Variants in SPAG7 observed in about 807,000 individuals in gnomAD.
SPAG7 encodes sperm-associated antigen 7.
In SPAG7, 20 loss-of-function variants were observed where a neutral mutation model predicts 30.6. The ratio of observed to expected loss-of-function variants is 0.65; its 90% CI spans 0.46 to 0.95. SPAG7 has a LOEUF of 0.95. SPAG7 is among the 40% of genes least tolerant of loss of function. The pLI, the probability that SPAG7 is intolerant of heterozygous loss-of-function variation, is 0.00. For missense variants in SPAG7, 276 were observed against 291.1 expected, an observed-to-expected ratio of 0.95 and a Z score of 0.38; for synonymous variants, 127 against 104.2, an observed-to-expected ratio of 1.22 and a Z score of -1.33.
chr17:4,967,372 G>T (rs1229277579), intron 1 of SPAG7, among the ~76,000 whole-genome samples: 8 of 152,182 alleles, frequency 5.3e-5, no homozygotes, highest in Admixed American at 5.2e-4. Context: ...AAATCCAATC[G>T]AAATAGAGCT....
At chr17:4,960,730 T>C in intron 2 of SPAG7, 56 bp downstream of exon 2, 3 of 1,547,526 alleles carry the variant, frequency 1.9e-6, no homozygotes, top group Non-Finnish European at 2.7e-6. Flanking sequence ...CCTTCCAATT[T>C]TAACTTATTG....
At chr17:4,963,165 G>T (rs140069007) in intron 1 of SPAG7, among the ~76,000 whole-genome samples, 6 of 152,164 alleles carry the variant, frequency 3.9e-5, no homozygotes, top group African/African-American at 1.4e-4. Flanking sequence ...GGCCAAGGTG[G>T]GAGGACTGCT....
chr17:4,967,572 G>T, intron 1 of SPAG7, 148 bp downstream of exon 1: 1 of 679,802 alleles, frequency 1.5e-6, no homozygotes, highest in Non-Finnish European at 2.6e-6. Flanking sequence ...CAGCGGGCGT[G>T]TCAGCAGCCC....
chr17:4,960,201 G>A, intron 4 of SPAG7, 33 bp downstream of exon 4: 2 of 1,606,156 alleles, frequency 1.2e-6, no homozygotes, highest in South Asian at 1.1e-5. Context: ...CTACAAAGGG[G>A]AGAGGAGAGA....
chr17:4,967,067 G>A, intron 1 of SPAG7: 4 of 985,768 alleles, frequency 4.1e-6, no homozygotes, highest in Non-Finnish European at 4.8e-6. Context: ...CGAGAACGCA[G>A]GCGGAGACAG....
At position 4,960,523 on chromosome 17, in the gene SPAG7, T is replaced by C. The variant is rs756834296; in HGVS notation, c.178A>G (p.Ile60Val). The change falls in exon 3 of 7, where the codon ATT becomes GTT. Residue 60 changes from isoleucine to valine, a missense_variant. Coordinates refer to ENST00000206020, the MANE Select transcript of SPAG7 (RefSeq NM_004890.3). Reference sequence around the variant, plus strand: ...TTCTTGATCTGCCCACTGTCTTGAATGAAATCTGACACCTCCTTCTCCATC... The same window carrying C: ...TTCTTGATCTGCCCACTGTCTTGAACGAAATCTGACACCTCCTTCTCCATC... ...KRMEKEVSDF[I>V]QDSGQIKKKF... is the part of the protein sequence containing the mutation. 1 of 1,603,884 alleles carries C rather than the reference T, an allele frequency of 6.2e-7. No homozygotes were observed. The highest frequency in any genetic ancestry group is 8.5e-7 in the Non-Finnish European group (1 of 1,177,180).
Position 4,960,751 on chromosome 17 carries a change from C to T in SPAG7, c.153+35G>A, listed in dbSNP as rs368242158. The T allele has an allele frequency of 2.5e-6, 4 of 1,595,512 alleles. No individual in the cohort carries two copies. The African/African-American group carries it at 4.0e-5, about 16-fold the overall frequency. On this transcript the variant is annotated intron_variant, in intron 2 of 6. Coordinates refer to ENST00000206020, the MANE Select transcript of SPAG7 (RefSeq NM_004890.3). Reference sequence around the variant, plus strand: ...AATTTTAACTTATTGGAAGTCCTTCCTGAGTCTGCCTTTGATCACTCCAGT... The same window carrying T: ...AATTTTAACTTATTGGAAGTCCTTCTTGAGTCTGCCTTTGATCACTCCAGT...
chr17:4,966,491 G>A (rs544200989), intron 1 of SPAG7: 426 of 727,418 alleles, frequency 5.9e-4, no homozygotes, highest in Non-Finnish European at 6.8e-4. Flanking sequence ...AGTCATCGGA[G>A]CATTAGAGAA....
intron 3 of SPAG7, 47 bp downstream of exon 3, chr17:4,960,412 C>T: frequency 1.3e-6 from 2 of 1,598,044 alleles, no homozygotes; most frequent in Non-Finnish European, 1.7e-6. Flanking sequence ...CCTTTCATGC[C>T]CCGCTAGCCA....
chr17:4,959,804 T>G lies in SPAG7; in HGVS notation c.530A>C (p.Lys177Thr). 1 of 1,614,180 alleles carries G rather than the reference T, an allele frequency of 6.2e-7. No homozygotes were observed. Among genetic ancestry groups the G allele is most frequent in the Non-Finnish European group, 8.5e-7 (1 of 1,180,026 alleles). The change falls in exon 6 of 7, where the codon AAA (lysine) becomes ACA (threonine). Residue 177 changes from lysine to threonine, a missense_variant. Physicochemically the swap from Lys to Thr is moderately conservative, Grantham distance 78. Transcript: ENST00000206020. ...GGCCTGTAGCATGTGGGCTGCGTCT[T>G]TGGCTGCTCCCTTGCCGATGAGGTG... ...YSHLIGKGAA[K>T]DAAHMLQANK...
chr17:4,965,302 G>A (rs1451017264), intron 1 of SPAG7, among the ~76,000 whole-genome samples: 1 of 152,164 alleles, frequency 6.6e-6, no homozygotes, highest in African/African-American at 2.4e-5. Context: ...GCCCGCCTCA[G>A]CCTCCCAAAG....
intron 1 of SPAG7, among the ~76,000 whole-genome samples, chr17:4,961,388 CAG>C (rs1971860555): frequency 6.7e-6 from 1 of 149,976 alleles, no homozygotes; most frequent in Admixed American, 6.7e-5. Context: ...ACCTGGGAGG[CAG>C]AGATTGCAGT....
chr17:4,960,069 C>T lies in SPAG7; in HGVS notation c.370G>A (p.Gly124Arg), dbSNP rs967524686. 6.2e-7 allele frequency: 1 copy of T among 1,614,210 alleles called. No homozygotes were observed. The highest frequency in any genetic ancestry group is 8.5e-7 in the Non-Finnish European group (1 of 1,180,024). Residue 124 changes from glycine (G) to arginine (R), a missense_variant, in exon 5 of 7, where the codon GGA becomes AGA. Coordinates refer to ENST00000206020, the MANE Select transcript of SPAG7 (RefSeq NM_004890.3). ...SDEELDSYRRGEEWDPQKAEE... is the reference protein window; with the variant it reads ...SDEELDSYRRREEWDPQKAEE... ...GCCTTCTGGGGGTCCCATTCCTCTCCACGACGGTAAGAGTCTAGCTCTTCA... is the reference window on the plus strand; with the variant it reads ...GCCTTCTGGGGGTCCCATTCCTCTCTACGACGGTAAGAGTCTAGCTCTTCA...
chr17:4,966,524 T>G, intron 1 of SPAG7: 4 of 922,174 alleles, frequency 4.3e-6, no homozygotes, highest in Non-Finnish European at 5.2e-6. Context: ...ATTCCCATCA[T>G]GCTTCCTCCT....
At chr17:4,961,302 C>G (rs1372172245) in intron 1 of SPAG7, among the ~76,000 whole-genome samples, 2 of 151,238 alleles carry the variant, frequency 1.3e-5, no homozygotes, top group African/African-American at 4.9e-5. Context: ...ACTAAAAATA[C>G]AAAAATTAGC....
chr17:4,961,874 T>C (rs72835086), intron 1 of SPAG7, among the ~76,000 whole-genome samples: 13,616 of 151,624 alleles, frequency 0.09, 768 homozygotes, highest in Middle Eastern at 0.13. Flanking sequence ...TCTCTCAAAA[T>C]ATCTTACTGT....
At chr17:4,963,992 A>G (rs1971906235) in intron 1 of SPAG7, among the ~76,000 whole-genome samples, 1 of 152,072 alleles carries the variant, frequency 6.6e-6, no homozygotes, top group Non-Finnish European at 1.5e-5. Context: ...TTTTAAAAAA[A>G]TTAGCCAGGT....
Position 4,959,560 on chromosome 17 carries a change from C to T in SPAG7, c.658G>A (p.Gly220Arg). Residue 220 changes from glycine to arginine, a missense_variant, in exon 7 of 7, where the codon GGG (glycine) becomes AGG (arginine). By Grantham distance (125) the Gly-to-Arg change is moderately radical. Transcript: ENST00000206020. The part of the protein sequence containing the change: ...IRAKKRLRQS[G>R]EELPPTS ...TAGGAGGTTGGCGGCAACTCTTCCC[C>T]ACTCTGCCGCAGACGCTTCTTGGCT... The T allele has an allele frequency of 1.2e-6, 2 of 1,613,832 alleles. No homozygotes were observed. The highest frequency in any genetic ancestry group is 4.5e-5 in the East Asian group (2 of 44,884).
At chr17:4,967,682 C>A (rs1467768148) in intron 1 of SPAG7, 38 bp downstream of exon 1, 1 of 1,508,054 alleles carries the variant, frequency 6.6e-7, no homozygotes, top group Admixed American at 1.7e-5. Flanking sequence ...TCCCGAGAAC[C>A]GGGCGAAGGA....
Sources: allele counts gnomAD v4.1 joint callset (sites outside exome capture counted in the v4.1 genomes callset), GRCh38; gene constraint gnomAD v4.1.1; transcripts MANE v1.5; gene names NCBI Gene and HGNC (gene_info 2026-07-23, HGNC 2026-07-21).